The following COL24A1 variants were observed in gnomAD, a reference collection of about 807,000 sequenced individuals.
The protein encoded by COL24A1 is collagen alpha-1(XXIV) chain.
Under a neutral mutation model 253.9 loss-of-function variants are expected in COL24A1, and 224 were observed. The observed-to-expected ratio is 0.88, with a 90% CI of 0.79 to 0.99. COL24A1 has a LOEUF of 0.99. Among genes scored for constraint, COL24A1 ranks in the 50% least tolerant of loss-of-function variants. The pLI is 0.00. For synonymous variants in COL24A1, 685 were observed against 673.7 expected, an observed-to-expected ratio of 1.02 and a Z score of -0.26; for missense variants, 2,131 against 2,068.5, an observed-to-expected ratio of 1.03 and a Z score of -0.59.
In COL24A1 at chr1:85,959,887, T is replaced by C. The variant is rs559800115; in HGVS notation, c.2562+1362A>G. On this transcript the variant is annotated intron_variant, in intron 24 of 59. Coordinates refer to ENST00000370571, the MANE Select transcript of COL24A1 (RefSeq NM_152890.7). ...GGATGCCAACTTTATATATATTTCT[T>C]AAGCAATTTGTCACTCAGAAATGGC... Among the ~76,000 whole-genome samples, 94 of 152,332 alleles carry C rather than the reference T, an allele frequency of 6.2e-4. 1 individual carries two copies. Among genetic ancestry groups the C allele is most frequent in the Non-Finnish European group, 4.3e-4 (29 of 67,998 alleles).
In COL24A1 at chr1:86,022,607, T is replaced by A. The variant is rs755543339; in HGVS notation, c.2149-16A>T. The A allele has an allele frequency of 2.5e-6, 4 of 1,609,014 alleles. No homozygotes were observed. Among genetic ancestry groups the A allele is most frequent in the Non-Finnish European group, 3.4e-6 (4 of 1,177,950 alleles). On this transcript the variant is annotated splice_polypyrimidine_tract_variant and intron_variant, in intron 16 of 59. Transcript: ENST00000370571. ...CTTGTTCACCCTGGAAAGCACAATT[T>A]CATGCAAAGATACTTATGTATCACA...
At chr1:85,891,366 A>G (rs1029468812) in intron 31 of COL24A1, among the ~76,000 whole-genome samples, 1 of 151,944 alleles carries the variant, frequency 6.6e-6, no homozygotes, top group African/African-American at 2.4e-5. Flanking sequence ...GCCCGGCCGT[A>G]AGTTGCATCT....
In COL24A1 at chr1:85,765,456, G is replaced by GGA. The variant is rs1667263906; in HGVS notation, c.4375-3891_4375-3890insTC. Among the ~76,000 whole-genome samples, 13 of 151,516 alleles carry GGA rather than the reference G, an allele frequency of 8.6e-5. No homozygotes were observed. In the South Asian group the frequency reaches 1.3e-3, roughly 15 times the overall value. ...ATAGTGACTCATGCCTGTAATTCTG[G>GGA]GGCTTTGGGAGGCAGAGGCCAGAAG... On this transcript the variant is annotated intron_variant, in intron 53 of 59. Coordinates refer to ENST00000370571, the MANE Select transcript of COL24A1 (RefSeq NM_152890.7).
intron 52 of COL24A1, among the ~76,000 whole-genome samples, chr1:85,780,096 T>C (rs1219818353): frequency 6.6e-6 from 1 of 152,142 alleles, no homozygotes; most frequent in Non-Finnish European, 1.5e-5. Flanking sequence ...CTCACTGAAA[T>C]ATGAGAATTC....
chr1:86,020,061 C>CTTTTTTTTTTTTTTTTTTTTT, intron 18 of COL24A1, among the ~76,000 whole-genome samples: 1 of 102,594 alleles, frequency 9.7e-6, no homozygotes, highest in Non-Finnish European at 2.0e-5. Context: ...TTCATTCTTT[C>CTTTTTTTTTTTTTTTTTTTTT]TTTTTTTTTT....
chr1:85,955,062 C>G (rs997903032), intron 24 of COL24A1, among the ~76,000 whole-genome samples: 1 of 152,194 alleles, frequency 6.6e-6, no homozygotes, highest in Non-Finnish European at 1.5e-5. Context: ...TAGGATGGCC[C>G]ACCATGCTCC....
chr1:85,777,883 A>G (rs975923384), intron 52 of COL24A1, among the ~76,000 whole-genome samples: 12 of 152,098 alleles, frequency 7.9e-5, no homozygotes, highest in Non-Finnish European at 2.9e-5. Context: ...TCTTTTTATT[A>G]TAAAACAATA....
chr1:85,985,116 C>T (rs894557370), intron 20 of COL24A1, among the ~76,000 whole-genome samples: 1 of 151,580 alleles, frequency 6.6e-6, no homozygotes, highest in Non-Finnish European at 1.5e-5. Context: ...AGTTATAATA[C>T]ATAAAGATAA....
chr1:85,946,739 C>T (rs956304446), intron 24 of COL24A1, among the ~76,000 whole-genome samples: 1 of 152,170 alleles, frequency 6.6e-6, no homozygotes, highest in African/African-American at 2.4e-5. Flanking sequence ...CATGTACTTT[C>T]TAAAATAACA....
At chr1:85,960,979 T>C (rs1477134691) in intron 24 of COL24A1, 1 of 256,526 alleles carries the variant, frequency 3.9e-6, no homozygotes, top group Non-Finnish European at 7.2e-6. Context: ...CAGAATAAAA[T>C]TAAAAACCAA....
chr1:85,924,648 C>T (rs1042015229), intron 24 of COL24A1, among the ~76,000 whole-genome samples: 24 of 152,140 alleles, frequency 1.6e-4, no homozygotes, highest in Non-Finnish European at 1.3e-4. Context: ...TCTCAATAAA[C>T]TAGGTATTGA....
chr1:85,846,432 T>C (rs1019986889), intron 39 of COL24A1, among the ~76,000 whole-genome samples: 1 of 151,824 alleles, frequency 6.6e-6, no homozygotes, highest in African/African-American at 2.4e-5. Context: ...GCAAAAGATA[T>C]ACAAAATTAA....
At chr1:85,948,074 T>C (rs1252858893) in intron 24 of COL24A1, among the ~76,000 whole-genome samples, 3 of 152,220 alleles carry the variant, frequency 2.0e-5, no homozygotes, top group Non-Finnish European at 4.4e-5. Context: ...GCATATCTCC[T>C]GATGAAAACA....
rs1017613918 is a variant in COL24A1, at chr1:85,786,545, T to C, written c.3952-84A>G. The C allele has an allele frequency of 4.7e-6, 6 of 1,284,774 alleles. No homozygotes were observed. In the Admixed American group the frequency reaches 1.3e-4, roughly 27 times the overall value. The allele number at this position is 1,284,774 out of a possible 1,614,324, so 79.6% of individuals were successfully genotyped here. A position where few individuals can be genotyped will look rare whatever the true frequency, so the allele number is the denominator to read the frequency against. ...GCTCAATAAAATGTAGGAAGAGTTGTGCCCCGAAAGGCGTCTGTTAACATA... is the reference window on the plus strand; with the variant it reads ...GCTCAATAAAATGTAGGAAGAGTTGCGCCCCGAAAGGCGTCTGTTAACATA... On this transcript the variant is annotated intron_variant, in intron 47 of 59. Transcript: ENST00000370571.
At chr1:85,778,522 T>C (rs1558089048) in intron 52 of COL24A1, among the ~76,000 whole-genome samples, 1 of 152,136 alleles carries the variant, frequency 6.6e-6, no homozygotes, top group African/African-American at 2.4e-5. Context: ...AAAAAAAATT[T>C]CAAGTATTCA....
chr1:86,024,705 G>A (rs1434070952), intron 14 of COL24A1, among the ~76,000 whole-genome samples: 1 of 152,138 alleles, frequency 6.6e-6, no homozygotes, highest in African/African-American at 2.4e-5. Flanking sequence ...TATGATTACA[G>A]TGGCTAGTTT....
At chr1:86,137,289 A>G (rs536063715) in intron 2 of COL24A1, among the ~76,000 whole-genome samples, 39 of 152,294 alleles carry the variant, frequency 2.6e-4, no homozygotes, top group Admixed American at 1.3e-3. Context: ...TACATTTTTA[A>G]AAAATAAGAA....
At chr1:85,997,788 G>C (rs2101026291) in intron 19 of COL24A1, among the ~76,000 whole-genome samples, 1 of 151,832 alleles carries the variant, frequency 6.6e-6, no homozygotes, top group Non-Finnish European at 1.5e-5. Flanking sequence ...AGATGATTAT[G>C]TGGTCAAAGC....
chr1:85,784,022 T>C lies in COL24A1; in HGVS notation c.4221+91A>G, dbSNP rs1296278320. The C allele has an allele frequency of 6.9e-6, 7 of 1,014,444 alleles. No homozygotes were observed. In the African/African-American group the frequency reaches 9.8e-5, roughly 14 times the overall value. The allele number at this position is 1,014,444 out of a possible 1,614,324, so 62.8% of individuals were successfully genotyped here. A position where few individuals can be genotyped will look rare whatever the true frequency, so the allele number is the denominator to read the frequency against. The stretch of plus-strand genomic sequence containing the variant: ...TATGTACCAACTGAAATTTTACAGA[T>C]TTAAAAAAGCTCAAGTTACAGACTA... On this transcript the variant is annotated intron_variant, in intron 50 of 59. Transcript: ENST00000370571.
Sources: gnomAD v4.1 joint callset for allele counts (sites outside exome capture counted in the v4.1 genomes callset) on GRCh38, gnomAD v4.1.1 for gene constraint, MANE v1.5 for transcripts, NCBI Gene and HGNC (gene_info 2026-07-23, HGNC 2026-07-21) for gene names.